Variants in STAM2 observed in about 807,000 individuals in gnomAD.
STAM2 encodes signal transducing adapter molecule 2.
In STAM2, 51 loss-of-function variants were observed where a neutral mutation model predicts 65.6. That is an observed-to-expected ratio of 0.78 (90% CI 0.62 to 0.98). STAM2 has a LOEUF of 0.98. Among genes scored for constraint, STAM2 ranks in the 50% least tolerant of loss-of-function variants. The pLI, the probability that STAM2 is intolerant of heterozygous loss-of-function variation, is 0.00. For synonymous variants in STAM2, 198 were observed against 208.4 expected, an observed-to-expected ratio of 0.95 and a Z score of 0.43; for missense variants, 584 against 617.8, an observed-to-expected ratio of 0.95 and a Z score of 0.58.
intron 1 of STAM2, among the ~76,000 whole-genome samples, chr2:152,161,624 TCTACTC>T (rs1441986108): frequency 2.0e-5 from 3 of 152,220 alleles, no homozygotes; most frequent in East Asian, 3.9e-4. Context: ...TGTAAATAAT[TCTACTC>T]CTTCTCTCCC....
At chr2:152,155,444 CACCA>C (rs1043009767) in intron 1 of STAM2, among the ~76,000 whole-genome samples, 1 of 152,202 alleles carries the variant, frequency 6.6e-6, no homozygotes, top group Non-Finnish European at 1.5e-5. Flanking sequence ...TCAATAGCAA[CACCA>C]CATGGCAACA....
At position 152,117,535 on chromosome 2, in the gene STAM2, C is replaced by T. The variant is rs1688770245; in HGVS notation, c.*3039G>A. 1 of 152,064 alleles carries T rather than the reference C, an allele frequency of 6.6e-6. No homozygotes were observed. The highest frequency in any genetic ancestry group is 1.5e-5 in the Non-Finnish European group (1 of 67,992). The allele number at this position is 152,064 out of a possible 1,614,324, so 9.4% of individuals were successfully genotyped here. ...CCAAACAAAAATCAAATCCCTAAAA[C>T]TGAGTATTCCCATTTACTAACTGGC... is the stretch of plus-strand genomic sequence containing the variant. On this transcript the variant is annotated 3_prime_UTR_variant, in exon 14 of 14. Coordinates refer to ENST00000263904, the MANE Select transcript of STAM2 (RefSeq NM_005843.6).
At chr2:152,142,017 C>G (rs1689258236) in intron 7 of STAM2, among the ~76,000 whole-genome samples, 1 of 152,186 alleles carries the variant, frequency 6.6e-6, no homozygotes. Context: ...GAGTCATTTT[C>G]TGGATGACTT....
At position 152,162,319 on chromosome 2, in the gene STAM2, C is replaced by A. The variant is rs576872489; in HGVS notation, c.41-12090G>T. ...GGGCCCGGTGGCTCACAGCTGTAAT[C>A]CTAGCACTTTGGGAGGCCAAGGCAG... is the stretch of plus-strand genomic sequence containing the variant. On this transcript the variant is annotated intron_variant, in intron 1 of 13. Coordinates refer to ENST00000263904, the MANE Select transcript of STAM2 (RefSeq NM_005843.6). 2.0e-3 allele frequency among the ~76,000 whole-genome samples: 309 copies of A among 152,274 alleles called. 1 individual carries two copies. The highest frequency in any genetic ancestry group is 3.5e-3 in the Non-Finnish European group (240 of 68,036).
At chr2:152,159,297 G>A (rs1052184165) in intron 1 of STAM2, among the ~76,000 whole-genome samples, 9 of 150,396 alleles carry the variant, frequency 6.0e-5, no homozygotes, top group Middle Eastern at 3.5e-3. Context: ...GGGTGACAGG[G>A]TGAAACACTT....
intron 13 of STAM2, among the ~76,000 whole-genome samples, chr2:152,122,447 T>C (rs970583140): frequency 6.6e-6 from 1 of 152,122 alleles, no homozygotes; most frequent in African/African-American, 2.4e-5. Flanking sequence ...AAAAAAATTA[T>C]GTAATTTTAA....
Position 152,174,413 on chromosome 2 carries a change from C to G in STAM2, c.40+1190G>C, listed in dbSNP as rs140073974. On this transcript the variant is annotated intron_variant, in intron 1 of 13. Coordinates refer to ENST00000263904, the MANE Select transcript of STAM2 (RefSeq NM_005843.6). ...TGATGTTTCCCAGATTTACGCCAGT[C>G]ACCTGTATTCATCCACCAAAAAAAA... 3.0e-4 allele frequency among the ~76,000 whole-genome samples: 45 copies of G among 152,222 alleles called. No individual in the cohort carries two copies. The East Asian group carries it at 8.1e-3, about 27-fold the overall frequency.
chr2:152,172,010 C>T (rs973149887), intron 1 of STAM2, among the ~76,000 whole-genome samples: 7 of 152,146 alleles, frequency 4.6e-5, no homozygotes, highest in African/African-American at 1.7e-4. Flanking sequence ...GTGGCCCCGT[C>T]CCCCATGTTT....
At chr2:152,171,726 C>T (rs980906600) in intron 1 of STAM2, among the ~76,000 whole-genome samples, 1 of 152,316 alleles carries the variant, frequency 6.6e-6, no homozygotes, top group South Asian at 2.1e-4. Flanking sequence ...CAAACCACTG[C>T]GTCCACAGAG....
rs80119013 is a variant in STAM2 at position 152,155,330 on chromosome 2, G to A, written c.41-5101C>T. Among the ~76,000 whole-genome samples the A allele has an allele frequency of 3.0e-3, 464 of 152,334 alleles. 3 individuals are homozygous for A. Among genetic ancestry groups the A allele is most frequent in the African/African-American group, 0.01 (426 of 41,578 alleles). On this transcript the variant is annotated intron_variant, in intron 1 of 13. Transcript: ENST00000263904. ...GAACTAAAAGGGCTTTAACTCTGAT[G>A]CCCATCTGTGGACATAGTTTGGCTG...
In STAM2 at chr2:152,175,750, C is replaced by G. The variant is rs1690010018; in HGVS notation, c.-108G>C. ...TCCCTAGACCGCTCCGCTTCGGCCT[C>G]CGTCCCTGCACTTCCGCCACCGCAC... is the stretch of plus-strand genomic sequence containing the variant. On this transcript the variant is annotated 5_prime_UTR_variant, in exon 1 of 14. Coordinates refer to ENST00000263904, the MANE Select transcript of STAM2 (RefSeq NM_005843.6). 7 of 1,241,294 alleles carry G rather than the reference C, an allele frequency of 5.6e-6. No individual in the cohort carries two copies. The highest frequency in any genetic ancestry group is 1.5e-5 in the African/African-American group (1 of 67,314). 76.9% of individuals were successfully genotyped at this position (1,241,294 alleles called of 1,614,324 possible). A position where few individuals can be genotyped will look rare whatever the true frequency, so the allele number is the denominator to read the frequency against.
intron 10 of STAM2, among the ~76,000 whole-genome samples, chr2:152,132,617 G>A (rs182498104): frequency 7.9e-5 from 12 of 152,158 alleles, no homozygotes; most frequent in Admixed American, 5.2e-4. Context: ...AGAGCACAAC[G>A]CTGTATTCTA....
In STAM2 at chr2:152,135,518, T is replaced by C; in HGVS notation, c.790A>G (p.Thr264Ala). 1 of 1,607,524 alleles carries C rather than the reference T, an allele frequency of 6.2e-7. No homozygotes were observed. Among genetic ancestry groups the C allele is most frequent in the Non-Finnish European group, 8.5e-7 (1 of 1,175,808 alleles). ...NFVTTNLNIETEAAAVDKLNV... is the reference protein window; with the variant it reads ...NFVTTNLNIEAEAAAVDKLNV... Reference sequence around the variant, plus strand: ...CTAAGATTTAACTTACCTGCCTCAGTCTCTATGTTTAAATTAGTTGTTACA... The same window carrying C: ...CTAAGATTTAACTTACCTGCCTCAGCCTCTATGTTTAAATTAGTTGTTACA... Residue 264 changes from threonine to alanine, a missense_variant, in exon 8 of 14, where the codon ACT (threonine) becomes GCT (alanine). By Grantham distance (58) the Thr-to-Ala change is moderately conservative. Coordinates refer to ENST00000263904, the MANE Select transcript of STAM2 (RefSeq NM_005843.6).
intron 10 of STAM2, 76 bp from the exon 11 acceptor site, chr2:152,132,244 A>G: frequency 9.4e-7 from 1 of 1,058,434 alleles, no homozygotes; most frequent in Non-Finnish European, 1.4e-6. Flanking sequence ...TTAACAATAT[A>G]GCACCAATAT....
Position 152,118,648 on chromosome 2 carries a change from A to G in STAM2, c.*1926T>C, listed in dbSNP as rs1407565387. The G allele has an allele frequency of 6.6e-6, 1 of 151,812 alleles. No homozygotes were observed. Among genetic ancestry groups the G allele is most frequent in the Admixed American group, 6.6e-5 (1 of 15,232 alleles). 9.4% of individuals were successfully genotyped at this position (151,812 alleles called of 1,614,324 possible). ...AAATAGAGTTTGGGAGAAAAAAAGTAAGAAATTCCATATATATGCAAATGT... is the reference window on the plus strand; with the variant it reads ...AAATAGAGTTTGGGAGAAAAAAAGTGAGAAATTCCATATATATGCAAATGT... On this transcript the variant is annotated 3_prime_UTR_variant, in exon 14 of 14. Transcript: ENST00000263904.
chr2:152,150,473 T>A (rs999868500), intron 1 of STAM2, among the ~76,000 whole-genome samples: 1 of 152,210 alleles, frequency 6.6e-6, no homozygotes, highest in Non-Finnish European at 1.5e-5. Flanking sequence ...GTATCAATAA[T>A]CCCATCAAAT....
intron 1 of STAM2, among the ~76,000 whole-genome samples, chr2:152,168,285 C>T (rs1272920897): frequency 1.3e-5 from 2 of 152,038 alleles, no homozygotes; most frequent in South Asian, 2.1e-4. Flanking sequence ...CTCAGCCTCC[C>T]GAGTAGCTGG....
intron 1 of STAM2, among the ~76,000 whole-genome samples, chr2:152,157,089 AG>A (rs901561980): frequency 3.3e-5 from 5 of 152,054 alleles, no homozygotes; most frequent in African/African-American, 1.2e-4. Context: ...CAGCACAAGG[AG>A]GACTAGCCCA....
chr2:152,166,141 T>C (rs890158751), intron 1 of STAM2, among the ~76,000 whole-genome samples: 4 of 151,980 alleles, frequency 2.6e-5, no homozygotes, highest in African/African-American at 9.7e-5. Flanking sequence ...GCCACTGCAT[T>C]CCAGGCTGGG....
Sources: allele counts gnomAD v4.1 joint callset (sites outside exome capture counted in the v4.1 genomes callset), GRCh38; gene constraint gnomAD v4.1.1; transcripts MANE v1.5; gene names NCBI Gene and HGNC (gene_info 2026-07-23, HGNC 2026-07-21).